The following TIPIN variants were observed in gnomAD, a reference collection of about 807,000 sequenced individuals.
TIPIN encodes TIMELESS interacting protein, also known as TIMELESS-interacting protein.
A neutral mutation model predicts 35.6 loss-of-function variants in TIPIN; 29 were observed. The ratio of observed to expected loss-of-function variants is 0.82; its 90% confidence interval spans 0.61 to 1.11. The LOEUF (loss-of-function observed/expected upper bound fraction) is 1.11, where lower values mean the gene tolerates loss of function less well. TIPIN is among the 50% of genes most tolerant of loss of function. TIPIN has a pLI of 0.00. For missense variants in TIPIN, 296 were observed against 345.4 expected, an observed-to-expected ratio of 0.86 and a Z score of 1.13; for synonymous variants, 102 against 121.5, an observed-to-expected ratio of 0.84 and a Z score of 1.06.
chr15:66,382,353 G>A (rs2093321505), intron 1 of TIPIN: 1 of 985,084 alleles, frequency 1.0e-6, no homozygotes, highest in Non-Finnish European at 1.2e-6. Flanking sequence ...AGATATAGAG[G>A]TCTGAGTTAA....
At chr15:66,356,902 G>A (rs2093207942), upstream of TIPIN, among the ~76,000 whole-genome samples, 1 of 151,872 alleles carries the variant, frequency 6.6e-6, no homozygotes, top group Non-Finnish European at 1.5e-5. Context: ...GTTAATACTT[G>A]TTATTCTGGG....
At chr15:66,343,998 C>CA (rs2093105990) in intron 6 of TIPIN, among the ~76,000 whole-genome samples, 1 of 152,126 alleles carries the variant, frequency 6.6e-6, no homozygotes, top group African/African-American at 2.4e-5. Flanking sequence ...AACTCCGTCT[C>CA]AAAAAAAGAA....
At chr15:66,385,249 C>T (rs2093332658) in intron 1 of TIPIN, among the ~76,000 whole-genome samples, 2 of 152,202 alleles carry the variant, frequency 1.3e-5, no homozygotes, top group Admixed American at 1.3e-4. Context: ...GGTTCCTCAG[C>T]CTCCTTACCT....
intron 7 of TIPIN, among the ~76,000 whole-genome samples, chr15:66,338,639 CCT>C (rs1470414498): frequency 2.6e-5 from 4 of 151,342 alleles, no homozygotes; most frequent in African/African-American, 9.7e-5. Flanking sequence ...ACGGTGAAAC[CCT>C]GTCTCTACTA....
intron 1 of TIPIN, chr15:66,386,465 GGA>G (rs2093339210): frequency 6.6e-6 from 1 of 152,530 alleles, no homozygotes; most frequent in African/African-American, 2.4e-5. Context: ...TGGGCTCAAA[GGA>G]GCCTCTCGAC....
chr15:66,372,803 T>C (rs1015400115), intron 1 of TIPIN, among the ~76,000 whole-genome samples: 1 of 151,990 alleles, frequency 6.6e-6, no homozygotes, highest in Non-Finnish European at 1.5e-5. Context: ...CTTGGGAGGC[T>C]GAGGCAGGAG....
At chr15:66,341,067 T>C (rs2093082876) in intron 7 of TIPIN, 83 bp downstream of exon 7, 2 of 1,234,118 alleles carry the variant, frequency 1.6e-6, no homozygotes, top group Non-Finnish European at 1.1e-6. Flanking sequence ...GTATTTTATT[T>C]TGGGGGCTAG....
intron 1 of TIPIN, among the ~76,000 whole-genome samples, chr15:66,355,065 GCT>G (rs1396478180): frequency 6.8e-6 from 1 of 146,202 alleles, no homozygotes; most frequent in Non-Finnish European, 1.5e-5. Context: ...GGAGTCTCGG[GCT>G]CTGTCACCCA....
At chr15:66,360,640 G>C (rs370434580), upstream of TIPIN, among the ~76,000 whole-genome samples, 7 of 152,144 alleles carry the variant, frequency 4.6e-5, no homozygotes, top group Admixed American at 2.0e-4. Flanking sequence ...GACCAGTCTG[G>C]CCAAAATAGT....
Position 66,382,811 on chromosome 15 carries a change from T to C in TIPIN, c.-9+3796A>G, listed in dbSNP as rs910409449. ...CAACCTGATATGGTTCAACCAAATA[T>C]ATATGTTACAGTGTTTATTATTATA... On this transcript the variant is annotated intron_variant, in intron 1 of 7. Transcript: ENST00000562124. The C allele has an allele frequency of 6.1e-5, 27 of 439,788 alleles. No individual in the cohort carries two copies. The Admixed American group carries it at 1.7e-3, about 28-fold the overall frequency. The allele number at this position is 439,788 out of a possible 1,614,324, so 27.2% of individuals were successfully genotyped here. A position where few individuals can be genotyped will look rare whatever the true frequency, so the allele number is the denominator to read the frequency against.
At position 66,337,185 on chromosome 15, in the gene TIPIN, A is replaced by C. The variant is rs367600405; in HGVS notation, c.683-4T>G. 56 of 1,610,064 alleles carry C rather than the reference A, an allele frequency of 3.5e-5. No homozygotes were observed. The highest frequency in any genetic ancestry group is 4.1e-5 in the Non-Finnish European group (48 of 1,177,412). On this transcript the variant is annotated splice_region_variant and splice_polypyrimidine_tract_variant and intron_variant, in intron 7 of 7. Coordinates refer to ENST00000261881, the MANE Select transcript of TIPIN (RefSeq NM_017858.3). ...CTGGGTGTATTCATTAACATATCTG[A>C]AAGAAATCATACCATTATTATTCAT... is the stretch of plus-strand genomic sequence containing the variant.
chr15:66,367,260 A>G (rs1046888586), intron 1 of TIPIN, among the ~76,000 whole-genome samples: 5 of 149,558 alleles, frequency 3.3e-5, no homozygotes, highest in African/African-American at 1.2e-4. Context: ...ATATATCTAT[A>G]TCTATATCTA....
At chr15:66,342,299 C>T (rs1248429586) in intron 6 of TIPIN, among the ~76,000 whole-genome samples, 1 of 151,606 alleles carries the variant, frequency 6.6e-6, no homozygotes, top group Non-Finnish European at 1.5e-5. Context: ...TATTCTTGTT[C>T]TACATTAAAC....
intron 3 of TIPIN, 40 bp from the exon 4 acceptor site, chr15:66,351,640 T>TA (rs759430852): frequency 1.7e-4 from 225 of 1,325,674 alleles, no homozygotes; most frequent in Admixed American, 3.5e-4. Flanking sequence ...AGTTTTATTT[T>TA]CTTTTTTTTT....
At chr15:66,353,172 T>C (rs2093180054) in intron 1 of TIPIN, among the ~76,000 whole-genome samples, 1 of 152,170 alleles carries the variant, frequency 6.6e-6, no homozygotes, top group African/African-American at 2.4e-5. Context: ...CTATATCATT[T>C]TGAACAAATC....
At chr15:66,377,807 G>A (rs1249199038) in intron 1 of TIPIN, among the ~76,000 whole-genome samples, 1 of 151,984 alleles carries the variant, frequency 6.6e-6, no homozygotes, top group Non-Finnish European at 1.5e-5. Flanking sequence ...CTCCCGAGTA[G>A]CAGGGACTAC....
intron 1 of TIPIN, among the ~76,000 whole-genome samples, chr15:66,370,468 TG>T (rs1455834851): frequency 1.7e-5 from 1 of 58,370 alleles, no homozygotes; most frequent in East Asian, 3.7e-4. Context: ...ATGTCCTTGG[TG>T]GGGGGCTGGA....
Position 66,336,995 on chromosome 15 carries a change from A to C in TIPIN, c.869T>G (p.Leu290Arg). The part of the protein sequence containing the change: ...DQSFKNVQQQ[L>R]DATSRNITEA... ...AGTAATATTTCTGGATGTAGCATCA[A>C]GTTGCTGTTGCACATTTTTAAAAGA... The change falls in exon 8 of 8, where the codon CTT becomes CGT. Residue 290 changes from leucine to arginine, a missense_variant. Transcript: ENST00000261881. 1 of 1,613,388 alleles carries C rather than the reference A, an allele frequency of 6.2e-7. No homozygotes were observed. Among genetic ancestry groups the C allele is most frequent in the Non-Finnish European group, 8.5e-7 (1 of 1,179,442 alleles).
rs1555410036 is a variant in TIPIN at position 66,367,222 on chromosome 15, A to ATATCTG, written c.-8-14273_-8-14268dup. On this transcript the variant is annotated intron_variant, in intron 1 of 7. Transcript: ENST00000562124. ...TATATCTATATCTATATCTATATCTATATCTGTATCTATATCTATATCTAT... is the reference window on the plus strand; with the variant it reads ...TATATCTATATCTATATCTATATCTATATCTGTATCTGTATCTATATCTATATCTAT... Among the ~76,000 whole-genome samples the ATATCTG allele has an allele frequency of 1.1e-4, 16 of 148,092 alleles. No individual in the cohort carries two copies. The East Asian group carries it at 1.6e-3, about 14-fold the overall frequency.
Sources: allele counts gnomAD v4.1 joint callset (sites outside exome capture counted in the v4.1 genomes callset), GRCh38; gene constraint gnomAD v4.1.1; transcripts MANE v1.5; gene names NCBI Gene and HGNC (gene_info 2026-07-23, HGNC 2026-07-21).